The following ATP2B2 variants were observed in gnomAD, a reference collection of about 807,000 sequenced individuals.
ATP2B2 encodes the protein plasma membrane calcium-transporting ATPase 2.
ATP2B2 carries 15 observed loss-of-function variants against 120.0 expected under a neutral mutation model. That is an observed-to-expected ratio of 0.12 (90% CI 0.08 to 0.19). The LOEUF (loss-of-function observed/expected upper bound fraction) is 0.19. Among genes scored for constraint, ATP2B2 ranks in the 10% least tolerant of loss-of-function variants. ATP2B2 has a pLI of 1.00. For synonymous variants in ATP2B2, 694 were observed against 700.3 expected, an observed-to-expected ratio of 0.99 and a Z score of 0.14; for missense variants, 1,045 against 1,719.8, an observed-to-expected ratio of 0.61 and a Z score of 6.94.
chr3:10,372,121 A>G, intron 11 of ATP2B2, 70 bp from the exon 12 acceptor site: 1 of 1,604,716 alleles, frequency 6.2e-7, no homozygotes, highest in Non-Finnish European at 8.5e-7. Context: ...GCCTGGAGGC[A>G]CTGGGTAAAC....
intron 4 of ATP2B2, among the ~76,000 whole-genome samples, chr3:10,401,481 C>T (rs1241972414): frequency 6.6e-6 from 1 of 152,208 alleles, no homozygotes; most frequent in Non-Finnish European, 1.5e-5. Context: ...AACCAAGTCA[C>T]ATCGTCAAGG....
chr3:10,668,767 A>G (rs1282346171), intron 1 of ATP2B2, among the ~76,000 whole-genome samples: 2 of 152,192 alleles, frequency 1.3e-5, no homozygotes, highest in East Asian at 1.9e-4. Flanking sequence ...GTCTGTCACT[A>G]TGAGAATTTA....
intron 1 of ATP2B2, among the ~76,000 whole-genome samples, chr3:10,677,863 G>A (rs1374681562): frequency 2.0e-5 from 3 of 152,056 alleles, no homozygotes; most frequent in Non-Finnish European, 4.4e-5. Context: ...GTAAGCTTTC[G>A]AGCCATAAAG....
rs997516136 is a variant in ATP2B2 at position 10,635,496 on chromosome 3, C to G, written c.-459-15535G>C. 6.6e-6 allele frequency among the ~76,000 whole-genome samples: 1 copy of G among 152,120 alleles called. No individual in the cohort carries two copies. The highest frequency in any genetic ancestry group is 1.5e-5 in the Non-Finnish European group (1 of 68,010). On this transcript the variant is annotated intron_variant, in intron 1 of 21. Coordinates refer to the ATP2B2 transcript ENST00000646379. The surrounding 1 kb of genome is among the most constrained non-coding windows in gnomAD (Gnocchi z 4.3). ...GAAATTTCTCCATCCTGCTTACGTGCCAGAGACTCTAAAGCCCATCCTGTT... is the reference window on the plus strand; with the variant it reads ...GAAATTTCTCCATCCTGCTTACGTGGCAGAGACTCTAAAGCCCATCCTGTT...
chr3:10,459,213 G>A (rs893424612), intron 1 of ATP2B2, among the ~76,000 whole-genome samples: 1 of 152,266 alleles, frequency 6.6e-6, no homozygotes, highest in African/African-American at 2.4e-5. Context: ...TGCGGTGCCT[G>A]CCTTCCAAAA....
chr3:10,374,428 A>G (rs971851116), intron 11 of ATP2B2, among the ~76,000 whole-genome samples: 5 of 152,240 alleles, frequency 3.3e-5, no homozygotes, highest in African/African-American at 1.2e-4. Flanking sequence ...ATGAAATTAC[A>G]TCGGAGAGCC....
chr3:10,380,093 AG>A (rs1170729923), intron 8 of ATP2B2, among the ~76,000 whole-genome samples: 1 of 152,202 alleles, frequency 6.6e-6, no homozygotes, highest in East Asian at 1.9e-4. Flanking sequence ...CTACAGCAGC[AG>A]GCTAAGTAGT....
chr3:10,508,393 G>A (rs766579720), upstream of ATP2B2, among the ~76,000 whole-genome samples: 2 of 152,182 alleles, frequency 1.3e-5, no homozygotes, highest in Admixed American at 6.5e-5. Flanking sequence ...GTATTGTGAT[G>A]GTCTACACGT....
In ATP2B2 at chr3:10,379,290, C is replaced by T. The variant is rs752598467; in HGVS notation, c.1001-6G>A. On this transcript the variant is annotated splice_region_variant and splice_polypyrimidine_tract_variant and intron_variant, in intron 8 of 22. Transcript: ENST00000360273. ...ATTGCCATCCTGCATTTTACCTACACGACAAAGAATTTTAACAGACAACAG... is the reference window on the plus strand; with the variant it reads ...ATTGCCATCCTGCATTTTACCTACATGACAAAGAATTTTAACAGACAACAG... 61 of 1,613,972 alleles carry T rather than the reference C, an allele frequency of 3.8e-5. No homozygotes were observed. In the Middle Eastern group the frequency reaches 8.2e-4, roughly 22 times the overall value.
Position 10,388,161 on chromosome 3 carries a change from C to T in ATP2B2, c.907+116G>A, listed in dbSNP as rs564081212. Reference sequence around the variant, plus strand: ...TAAGGATGCAGGAGGTGGCTGTCAGCACAGGGTGCGGACGTAGAAGGCACT... The same window carrying T: ...TAAGGATGCAGGAGGTGGCTGTCAGTACAGGGTGCGGACGTAGAAGGCACT... On this transcript the variant is annotated intron_variant, in intron 6 of 22. Transcript: ENST00000360273. 1.3e-6 allele frequency: 2 copies of T among 1,509,540 alleles called. 1 individual carries two copies. Among genetic ancestry groups the T allele is most frequent in the Admixed American group, 3.4e-5 (2 of 59,298 alleles). 93.5% of individuals were successfully genotyped at this position (1,509,540 alleles called of 1,614,324 possible).
At position 10,375,158 on chromosome 3, in the gene ATP2B2, C is replaced by T. The variant is rs2061346659; in HGVS notation, c.1416+272G>A. The stretch of plus-strand genomic sequence containing the variant: ...GGAAAAAGGTGACAATGTGGCAATG[C>T]TGGGCCTGCACCCCTGCAAGGCGGC... On this transcript the variant is annotated intron_variant, in intron 11 of 22. Coordinates refer to ENST00000360273, the MANE Select transcript of ATP2B2 (RefSeq NM_001001331.4). The surrounding 1 kb of genome is among the most constrained non-coding windows in gnomAD (Gnocchi z 4.2). 6.6e-6 allele frequency among the ~76,000 whole-genome samples: 1 copy of T among 152,182 alleles called. No homozygotes were observed. The highest frequency in any genetic ancestry group is 2.4e-5 in the African/African-American group (1 of 41,446).
intron 1 of ATP2B2, among the ~76,000 whole-genome samples, chr3:10,702,276 G>A (rs2071830368): frequency 6.6e-6 from 1 of 152,208 alleles, no homozygotes; most frequent in Non-Finnish European, 1.5e-5. Context: ...TATGTGAAAA[G>A]TGCTCTGTAA....
chr3:10,362,383 G>A (rs1559227834), intron 12 of ATP2B2, among the ~76,000 whole-genome samples: 1 of 152,212 alleles, frequency 6.6e-6, no homozygotes, highest in Non-Finnish European at 1.5e-5. Flanking sequence ...GGCCCAAAGA[G>A]CAGACCCGAT....
chr3:10,499,553 C>G (rs1333622499), intron 1 of ATP2B2, among the ~76,000 whole-genome samples: 1 of 152,172 alleles, frequency 6.6e-6, no homozygotes, highest in Non-Finnish European at 1.5e-5. Flanking sequence ...TGGCAATTAC[C>G]CCATAAAGTC....
intron 3 of ATP2B2, among the ~76,000 whole-genome samples, chr3:10,511,527 C>T (rs147470107): frequency 3.1e-3 from 467 of 152,286 alleles, no homozygotes; most frequent in Non-Finnish European, 4.6e-3. Context: ...ATTCTTTGGA[C>T]GCATTTAGGG....
chr3:10,663,711 C>G (rs181384231), intron 1 of ATP2B2, among the ~76,000 whole-genome samples: 62 of 152,198 alleles, frequency 4.1e-4, no homozygotes, highest in Admixed American at 2.0e-3. Context: ...GTGCAGACAG[C>G]GGCATAGAGG....
intron 2 of ATP2B2, among the ~76,000 whole-genome samples, chr3:10,580,000 G>A (rs1452311394): frequency 6.6e-6 from 1 of 152,096 alleles, no homozygotes; most frequent in Non-Finnish European, 1.5e-5. Context: ...GAGGCCCAAG[G>A]GATTCAGAAT....
At chr3:10,445,860 T>G (rs1301730828) in intron 2 of ATP2B2, among the ~76,000 whole-genome samples, 3 of 152,122 alleles carry the variant, frequency 2.0e-5, no homozygotes, top group African/African-American at 7.2e-5. Flanking sequence ...ACCACGGAGC[T>G]TTTAAACTGG....
chr3:10,378,204 G>A, intron 10 of ATP2B2, 48 bp downstream of exon 10: 2 of 1,589,222 alleles, frequency 1.3e-6, no homozygotes, highest in Non-Finnish European at 1.7e-6. Flanking sequence ...GCTCTGCCTG[G>A]GGTCCCCCTG....
Sources: gnomAD v4.1 joint callset for allele counts (sites outside exome capture counted in the v4.1 genomes callset) on GRCh38, gnomAD v4.1.1 for gene constraint, Gnocchi (gnomAD v3.1) non-coding constraint, MANE v1.5 for transcripts, NCBI Gene and HGNC (gene_info 2026-07-23, HGNC 2026-07-21) for gene names.